Variants in RGS6 observed in about 807,000 individuals in gnomAD.
RGS6 encodes the protein regulator of G-protein signaling 6.
A neutral mutation model predicts 78.5 loss-of-function variants in RGS6; 30 were observed. The observed-to-expected ratio is 0.38, with a 90% CI of 0.29 to 0.52. The LOEUF is 0.52. Ranked by LOEUF, RGS6 falls within the 20% of genes least tolerant of loss-of-function variation. The probability of loss-of-function intolerance (pLI) is 0.85; values close to 1 mark genes in which losing one functional copy is unlikely to be tolerated. For synonymous variants in RGS6, 206 were observed against 206.0 expected, an observed-to-expected ratio of 1.00 and a Z score of 0.00; for missense variants, 495 against 609.7, an observed-to-expected ratio of 0.81 and a Z score of 1.98.
At chr14:72,611,374 G>A in the RGS6 span, among the ~76,000 whole-genome samples, 1 of 152,330 alleles carries the variant, frequency 6.6e-6, no homozygotes, top group South Asian at 2.1e-4. Flanking sequence ...CTGGCCAAAG[G>A]TGAGCATGGA....
the RGS6 span, among the ~76,000 whole-genome samples, chr14:72,581,216 T>C: frequency 2.0e-4 from 31 of 152,138 alleles, no homozygotes; most frequent in African/African-American, 6.8e-4. Context: ...TTAGAGGCTA[T>C]AGGAAGAGGA....
At chr14:72,262,268 A>G (rs963914404) in intron 2 of RGS6, among the ~76,000 whole-genome samples, 7 of 152,222 alleles carry the variant, frequency 4.6e-5, no homozygotes, top group African/African-American at 1.7e-4. Context: ...AGCAAGTACC[A>G]CAGACTGGGT....
At chr14:72,005,270 CT>C (rs1279676799) in intron 2 of RGS6, among the ~76,000 whole-genome samples, 2 of 152,138 alleles carry the variant, frequency 1.3e-5, no homozygotes, top group African/African-American at 2.4e-5. Context: ...GTTTTTCCCC[CT>C]GAGTATAAGA....
chr14:72,547,007 A>G, intron 17 of RGS6: 1 of 642,982 alleles, frequency 1.6e-6, no homozygotes, highest in South Asian at 1.9e-5. Context: ...GTCAGACCCC[A>G]GTGCCATCCT....
At chr14:72,089,929 A>C (rs1300332153) in intron 2 of RGS6, among the ~76,000 whole-genome samples, 1 of 152,128 alleles carries the variant, frequency 6.6e-6, no homozygotes, top group Non-Finnish European at 1.5e-5. Context: ...AAGTGGGCTG[A>C]CAGGAAGGGA....
intron 17 of RGS6, chr14:72,552,694 C>T (rs1462109808): frequency 2.6e-5 from 4 of 152,084 alleles, no homozygotes; most frequent in Non-Finnish European, 4.4e-5. Context: ...TATTCCAAAG[C>T]GAGGTAGTGG....
intron 15 of RGS6, among the ~76,000 whole-genome samples, chr14:72,532,122 C>T (rs779020540): frequency 6.6e-6 from 1 of 152,220 alleles, no homozygotes; most frequent in South Asian, 2.1e-4. Context: ...GGCAACCCTG[C>T]ATCAAACAAG....
chr14:72,562,906 G>T lies in RGS6; in HGVS notation c.*439G>T. 1.4e-6 allele frequency: 1 copy of T among 712,112 alleles called. No homozygotes were observed. The highest frequency in any genetic ancestry group is 2.4e-6 in the Non-Finnish European group (1 of 409,422). 44.1% of individuals were successfully genotyped at this position (712,112 alleles called of 1,614,324 possible). A position where few individuals can be genotyped will look rare whatever the true frequency, so the allele number is the denominator to read the frequency against. ...TGGACCGAGAGCACATCCAGCATTT[G>T]CATCACCTCCCTGGCACCTCCCATA... On this transcript the variant is annotated 3_prime_UTR_variant, in exon 18 of 18. Transcript: ENST00000553525.
intron 2 of RGS6, among the ~76,000 whole-genome samples, chr14:72,211,030 T>C (rs1371855615): frequency 3.3e-5 from 5 of 152,210 alleles, no homozygotes; most frequent in Non-Finnish European, 5.9e-5. Context: ...TGCTTTTAAA[T>C]CTGGGGGGTA....
chr14:71,979,916 C>G (rs374101813), intron 2 of RGS6, among the ~76,000 whole-genome samples: 8 of 142,298 alleles, frequency 5.6e-5, no homozygotes, highest in Non-Finnish European at 6.2e-5. Context: ...GTAGGTCACT[C>G]AGGACTTGCT....
chr14:72,339,763 G>T (rs535096382), intron 2 of RGS6, among the ~76,000 whole-genome samples: 1 of 152,086 alleles, frequency 6.6e-6, no homozygotes, highest in African/African-American at 2.4e-5. Flanking sequence ...TGGTGTGTTC[G>T]GAGGCAGCAT....
intron 2 of RGS6, among the ~76,000 whole-genome samples, chr14:72,302,428 C>T (rs115394825): frequency 1.1e-3 from 168 of 152,324 alleles, no homozygotes; most frequent in African/African-American, 3.9e-3. Context: ...TGCAAAAGTT[C>T]GTTGTCACTA....
At chr14:72,059,107 C>T (rs569606625) in intron 2 of RGS6, among the ~76,000 whole-genome samples, 25 of 152,252 alleles carry the variant, frequency 1.6e-4, no homozygotes, top group African/African-American at 5.5e-4. Flanking sequence ...GCCATGTTAG[C>T]TAGGCTGGTC....
the RGS6 span, among the ~76,000 whole-genome samples, chr14:72,617,133 G>A: frequency 3.9e-5 from 6 of 152,176 alleles, no homozygotes; most frequent in Non-Finnish European, 8.8e-5. Flanking sequence ...GGCTGAGATC[G>A]AACAGGGCTG....
intron 2 of RGS6, among the ~76,000 whole-genome samples, chr14:72,137,077 G>A (rs932276665): frequency 3.3e-5 from 5 of 152,162 alleles, no homozygotes; most frequent in African/African-American, 1.2e-4. Flanking sequence ...TCAGATCACA[G>A]TAGCTCATGG....
At chr14:72,569,147 AGTTT>A (rs1374666115), downstream of RGS6, among the ~76,000 whole-genome samples, 1 of 150,088 alleles carries the variant, frequency 6.7e-6, no homozygotes, top group Non-Finnish European at 1.5e-5. Flanking sequence ...TGTGACTTTT[AGTTT>A]GTTTATTAAG....
intron 2 of RGS6, among the ~76,000 whole-genome samples, chr14:72,322,246 C>A (rs1040435506): frequency 4.6e-5 from 7 of 151,868 alleles, no homozygotes; most frequent in African/African-American, 1.4e-4. Flanking sequence ...AAGAATAAAT[C>A]TTTAAGTTAG....
Position 72,541,777 on chromosome 14 carries a change from G to A in RGS6, c.1422+1683G>A, listed in dbSNP as rs1011155044. ...TCTTGAGGGTGACCGTGCAGGCCAC[G>A]GGTGTGAGAGGGGAAGCCTGGTACT... On this transcript the variant is annotated intron_variant, in intron 17 of 17. Transcript: ENST00000553525. Among the ~76,000 whole-genome samples, 9 of 152,334 alleles carry A rather than the reference G, an allele frequency of 5.9e-5. No individual in the cohort carries two copies. In the East Asian group the frequency reaches 9.6e-4, roughly 16 times the overall value.
At chr14:71,897,814 C>G in the RGS6 span, among the ~76,000 whole-genome samples, 1 of 152,108 alleles carries the variant, frequency 6.6e-6, no homozygotes, top group African/African-American at 2.4e-5. Flanking sequence ...CCACCGCGCC[C>G]GGCCCCATGG....
Sources: allele counts gnomAD v4.1 joint callset (sites outside exome capture counted in the v4.1 genomes callset), GRCh38; gene constraint gnomAD v4.1.1; transcripts MANE v1.5; gene names NCBI Gene and HGNC (gene_info 2026-07-23, HGNC 2026-07-21).